Variants in RASA1 observed in about 807,000 individuals in gnomAD.
RASA1 encodes RAS p21 protein activator 1, also known as ras GTPase-activating protein 1.
In RASA1, 25 loss-of-function variants were observed where a neutral mutation model predicts 132.2. The observed-to-expected ratio is 0.19, with a 90% CI of 0.14 to 0.26. The LOEUF (loss-of-function observed/expected upper bound fraction) is 0.26, where lower values mean the gene tolerates loss of function less well. Ranked by LOEUF, RASA1 falls within the 10% of genes least tolerant of loss-of-function variation. The probability of loss-of-function intolerance (pLI) is 1.00; values close to 1 mark genes in which losing one functional copy is unlikely to be tolerated. For synonymous variants in RASA1, 477 were observed against 449.9 expected, an observed-to-expected ratio of 1.06 and a Z score of -0.76; for missense variants, 964 against 1,299.2, an observed-to-expected ratio of 0.74 and a Z score of 3.97.
chr5:87,382,943 A>AT (rs1360424708), intron 20 of RASA1, among the ~76,000 whole-genome samples: 1 of 151,726 alleles, frequency 6.6e-6, no homozygotes, highest in Non-Finnish European at 1.5e-5. Context: ...AAAAAAAAAA[A>AT]ATTGCCAGGT....
At chr5:87,321,799 A>G (rs1756832544) in intron 1 of RASA1, among the ~76,000 whole-genome samples, 1 of 152,276 alleles carries the variant, frequency 6.6e-6, no homozygotes, top group Non-Finnish European at 1.5e-5. Flanking sequence ...AATTTTCATG[A>G]CATCAGCACT....
At position 87,287,175 on chromosome 5, in the gene RASA1, C is replaced by CAT. The variant is rs527827202; in HGVS notation, c.539+18195_539+18196dup. Among the ~76,000 whole-genome samples the CAT allele has an allele frequency of 2.1e-3, 297 of 138,884 alleles. 2 individuals are homozygous for CAT. The highest frequency in any genetic ancestry group is 6.9e-3 in the African/African-American group (256 of 37,168). 91.1% of individuals were successfully genotyped at this position (138,884 alleles called of 152,430 possible). A position where few individuals can be genotyped will look rare whatever the true frequency, so the allele number is the denominator to read the frequency against. On this transcript the variant is annotated intron_variant, in intron 1 of 24. Transcript: ENST00000274376. ...ATATATACACTGTATATATACACAC[C>CAT]ATATATATATACACACCGTATATAC...
intron 15 of RASA1, among the ~76,000 whole-genome samples, chr5:87,375,827 C>T (rs1761285914): frequency 1.3e-5 from 2 of 152,176 alleles, no homozygotes. Context: ...CTGAATATTT[C>T]TCTATAAAAT....
intron 1 of RASA1, among the ~76,000 whole-genome samples, chr5:87,271,449 CTTCTTTTTTTTTTTTTT>C (rs1326756590): frequency 3.0e-5 from 2 of 67,494 alleles, no homozygotes; most frequent in African/African-American, 6.5e-5. Context: ...TTTTAGTAGA[CTTCTTTTTTTTTTTTTT>C]TTTTTTTTTT....
At chr5:87,348,556 T>A (rs555887311) in intron 7 of RASA1, among the ~76,000 whole-genome samples, 3 of 152,204 alleles carry the variant, frequency 2.0e-5, no homozygotes, top group African/African-American at 7.2e-5. Flanking sequence ...TGATTTTTGA[T>A]AATGTATACA....
At chr5:87,300,718 G>T (rs996490608) in intron 1 of RASA1, among the ~76,000 whole-genome samples, 1 of 152,100 alleles carries the variant, frequency 6.6e-6, no homozygotes, top group Non-Finnish European at 1.5e-5. Flanking sequence ...ACTATTAGAA[G>T]AGCTTTTTAT....
intron 24 of RASA1, 133 bp from the exon 25 acceptor site, chr5:87,390,667 T>C (rs543527368): frequency 1.7e-5 from 13 of 754,400 alleles, no homozygotes; most frequent in South Asian, 1.2e-4. Flanking sequence ...TAGAGACTTA[T>C]GTTTTGAGGG....
intron 6 of RASA1, among the ~76,000 whole-genome samples, chr5:87,346,467 A>G (rs1263215513): frequency 6.6e-6 from 1 of 151,906 alleles, no homozygotes; most frequent in Non-Finnish European, 1.5e-5. Context: ...TATATTTGAT[A>G]GTTTCTAGTT....
chr5:87,328,419 G>A (rs531049187), intron 1 of RASA1, among the ~76,000 whole-genome samples: 2 of 152,134 alleles, frequency 1.3e-5, no homozygotes, highest in East Asian at 3.9e-4. Flanking sequence ...GTAATAGTGG[G>A]GTTGATTAAA....
Position 87,302,475 on chromosome 5 carries a change from A to C in RASA1, c.540-28873A>C, listed in dbSNP as rs149439703. On this transcript the variant is annotated intron_variant, in intron 1 of 24. Coordinates refer to ENST00000274376, the MANE Select transcript of RASA1 (RefSeq NM_002890.3). ...GAGTCTTTTGATGAGTATATATCTT[A>C]TAGAAATCTTCAATTTCGCACTGTT... is the stretch of plus-strand genomic sequence containing the variant. 2.6e-3 allele frequency among the ~76,000 whole-genome samples: 396 copies of C among 151,444 alleles called. 5 individuals are homozygous for C. Among genetic ancestry groups the C allele is most frequent in the East Asian group, 8.1e-3 (42 of 5,156 alleles).
intron 1 of RASA1, among the ~76,000 whole-genome samples, chr5:87,323,016 T>C (rs547920358): frequency 6.6e-6 from 1 of 152,264 alleles, no homozygotes; most frequent in East Asian, 1.9e-4. Context: ...TTTGTTAATT[T>C]AAGCCTGGCG....
intron 1 of RASA1, among the ~76,000 whole-genome samples, chr5:87,270,566 C>T (rs1447130055): frequency 6.8e-6 from 1 of 147,880 alleles, no homozygotes; most frequent in Non-Finnish European, 1.5e-5. Context: ...AAACTGATGT[C>T]GAACTCCTGA....
intron 1 of RASA1, among the ~76,000 whole-genome samples, chr5:87,303,670 C>T (rs923058673): frequency 7.9e-5 from 12 of 151,914 alleles, no homozygotes; most frequent in Admixed American, 3.3e-4. Flanking sequence ...AAATGAGGCT[C>T]GCTTTTTGAT....
Position 87,268,047 on chromosome 5 carries a change from C to A in RASA1, c.-405C>A, listed in dbSNP as rs940917649. On this transcript the variant is annotated 5_prime_UTR_variant, in exon 1 of 25. Coordinates refer to ENST00000274376, the MANE Select transcript of RASA1 (RefSeq NM_002890.3). The stretch of plus-strand genomic sequence containing the variant: ...CCGGCGGTGGCTGCGGTGTGGGTGG[C>A]CGGAACTGGGGTGGTGAAGAAGCGG... The A allele has an allele frequency of 1.5e-5, 6 of 405,546 alleles. No individual in the cohort carries two copies. Among genetic ancestry groups the A allele is most frequent in the Non-Finnish European group, 2.2e-5 (5 of 230,880 alleles). 25.1% of individuals were successfully genotyped at this position (405,546 alleles called of 1,614,324 possible). A position where few individuals can be genotyped will look rare whatever the true frequency, so the allele number is the denominator to read the frequency against.
intron 9 of RASA1, among the ~76,000 whole-genome samples, chr5:87,357,724 TAGTATGTGGCATCTAATAAACTTGC>T (rs1453828453): frequency 6.6e-6 from 1 of 151,830 alleles, no homozygotes; most frequent in African/African-American, 2.4e-5. Flanking sequence ...GAAAAACAAA[TAGTATGTGGCATCTAATAAACTTGC>T]AGTATGTGTT....
At chr5:87,286,974 T>G (rs1288246090) in intron 1 of RASA1, among the ~76,000 whole-genome samples, 1 of 148,776 alleles carries the variant, frequency 6.7e-6, no homozygotes, top group Non-Finnish European at 1.5e-5. Context: ...ATACACCATA[T>G]ATATACCATA....
At chr5:87,343,797 C>T (rs964780170) in intron 6 of RASA1, among the ~76,000 whole-genome samples, 3 of 152,066 alleles carry the variant, frequency 2.0e-5, no homozygotes, top group Admixed American at 6.6e-5. Flanking sequence ...TCACAATAGC[C>T]GAGATGTTTA....
chr5:87,333,628 A>G (rs1177607554), intron 4 of RASA1, among the ~76,000 whole-genome samples: 3 of 152,146 alleles, frequency 2.0e-5, no homozygotes, highest in African/African-American at 7.2e-5. Flanking sequence ...TGCTATGTAA[A>G]TTTTTGTTAC....
chr5:87,309,698 A>G (rs1343262722), intron 1 of RASA1, among the ~76,000 whole-genome samples: 1 of 151,888 alleles, frequency 6.6e-6, no homozygotes, highest in Admixed American at 6.6e-5. Flanking sequence ...GTCTTTGTAT[A>G]TTTCTTTGAT....
Sources: allele counts gnomAD v4.1 joint callset (sites outside exome capture counted in the v4.1 genomes callset), GRCh38; gene constraint gnomAD v4.1.1; transcripts MANE v1.5; gene names NCBI Gene and HGNC (gene_info 2026-07-23, HGNC 2026-07-21).